Variants in RNASEH1 observed in about 807,000 individuals in gnomAD.
The protein encoded by RNASEH1 is ribonuclease H type II.
RNASEH1 carries 27 observed loss-of-function variants against 34.6 expected under a neutral mutation model. The ratio of observed to expected loss-of-function variants is 0.78; its 90% CI spans 0.58 to 1.08. RNASEH1 has a LOEUF of 1.08. Ranked by LOEUF, RNASEH1 falls within the 50% of genes least tolerant of loss-of-function variation. RNASEH1 has a pLI of 0.00. For synonymous variants in RNASEH1, 162 were observed against 138.4 expected (o/e 1.17, Z -1.20); for missense variants, 349 against 373.6 (o/e 0.93, Z 0.54).
chr2:3,532,401 C>G, the RNASEH1 span: 2 of 700,940 alleles, frequency 2.9e-6, no homozygotes, highest in Admixed American at 4.0e-5. Flanking sequence ...ATTTCAGTCA[C>G]TCACTGAAAC....
At chr2:3,539,107 ACTT>A (rs1421302870), downstream of RNASEH1, among the ~76,000 whole-genome samples, 6 of 151,932 alleles carry the variant, frequency 3.9e-5, 1 homozygote, top group Admixed American at 3.9e-4. Flanking sequence ...ATGAGTTGCA[ACTT>A]CTTTTCCTAG....
the RNASEH1 span, among the ~76,000 whole-genome samples, chr2:3,532,833 G>A: frequency 2.0e-5 from 3 of 152,184 alleles, no homozygotes; most frequent in African/African-American, 7.2e-5. Context: ...CTGATGTGCT[G>A]TAGAAATCAT....
At chr2:3,547,206 C>A (rs2103318929) in intron 7 of RNASEH1, among the ~76,000 whole-genome samples, 1 of 152,296 alleles carries the variant, frequency 6.6e-6, no homozygotes, top group South Asian at 2.1e-4. Context: ...GAGACAGGGT[C>A]TCACTCTGTC....
chr2:3,548,957 A>G (rs190767216), intron 5 of RNASEH1, 101 bp downstream of exon 5: 43 of 1,013,710 alleles, frequency 4.2e-5, no homozygotes, highest in Non-Finnish European at 6.2e-5. Context: ...CTCTCTTCAA[A>G]TATCTTATAT....
At chr2:3,538,590 A>G (rs906925070), downstream of RNASEH1, among the ~76,000 whole-genome samples, 1 of 151,958 alleles carries the variant, frequency 6.6e-6, no homozygotes. Flanking sequence ...TGCCCAGAGC[A>G]CCTTCTGGTC....
rs186228615 is a variant in RNASEH1 at position 3,552,582 on chromosome 2, C to T, written c.245-274G>A. Reference sequence around the variant, plus strand: ...CACCACCACCACCCCCTCCCCTCCACACCACCACCACCCCCTCCCCTCCAC... The same window carrying T: ...CACCACCACCACCCCCTCCCCTCCATACCACCACCACCCCCTCCCCTCCAC... On this transcript the variant is annotated intron_variant, in intron 2 of 7. Transcript: ENST00000315212. Among the ~76,000 whole-genome samples, 6,463 of 91,414 alleles carry T rather than the reference C, an allele frequency of 0.071. 598 individuals are homozygous for T. Among genetic ancestry groups the T allele is most frequent in the African/African-American group, 0.14 (2,667 of 18,852 alleles). 60.0% of individuals were successfully genotyped at this position (91,414 alleles called of 152,430 possible).
At chr2:3,549,572 G>A (rs1332743914) in intron 4 of RNASEH1, among the ~76,000 whole-genome samples, 4 of 152,302 alleles carry the variant, frequency 2.6e-5, no homozygotes, top group African/African-American at 9.6e-5. Context: ...TTTTGGGCCA[G>A]GGGTGGTGGC....
chr2:3,546,085 T>A (rs1207037818), intron 7 of RNASEH1, among the ~76,000 whole-genome samples: 1 of 152,266 alleles, frequency 6.6e-6, no homozygotes. Context: ...ATTTTGTTTT[T>A]TCACAAATTG....
At chr2:3,557,738 A>T in intron 1 of RNASEH1, 1 of 622,064 alleles carries the variant, frequency 1.6e-6, no homozygotes, top group Non-Finnish European at 2.7e-6. Context: ...CCTTTTTTAA[A>T]AGGGAAGATT....
At chr2:3,541,222 G>A (rs1288676056), downstream of RNASEH1, among the ~76,000 whole-genome samples, 5 of 151,654 alleles carry the variant, frequency 3.3e-5, no homozygotes, top group South Asian at 6.2e-4. Flanking sequence ...CCAGCTACTC[G>A]GGAGGCTGAG....
chr2:3,544,502 T>A lies in RNASEH1; in HGVS notation c.*1283A>T, dbSNP rs555682235. Among the ~76,000 whole-genome samples, 64 of 152,160 alleles carry A rather than the reference T, an allele frequency of 4.2e-4. No homozygotes were observed. The Middle Eastern group carries it at 0.01, about 24-fold the overall frequency. On this transcript the variant is annotated 3_prime_UTR_variant, in exon 8 of 8. Coordinates refer to ENST00000315212, the MANE Select transcript of RNASEH1 (RefSeq NM_002936.6). ...AAAAGCAGACAAGACTAAACTGCCA[T>A]CAAAAAACCAAGAAAGTCATTTCTG...
chr2:3,546,962 A>G (rs1668815163), intron 7 of RNASEH1, among the ~76,000 whole-genome samples: 1 of 152,146 alleles, frequency 6.6e-6, no homozygotes, highest in Non-Finnish European at 1.5e-5. Flanking sequence ...ATCGCTACTA[A>G]AAATACAAAA....
chr2:3,532,186 C>T, the RNASEH1 span: 7 of 690,788 alleles, frequency 1.0e-5, no homozygotes, highest in East Asian at 2.7e-5. Context: ...GCCAGACCTC[C>T]GGGTGTCAGC....
At chr2:3,546,347 T>C (rs773991707) in intron 7 of RNASEH1, among the ~76,000 whole-genome samples, 12 of 152,192 alleles carry the variant, frequency 7.9e-5, no homozygotes, top group Non-Finnish European at 1.5e-4. Context: ...CAAGGCAGGG[T>C]TGAGACAGTG....
At chr2:3,548,856 A>G (rs1008964326) in intron 5 of RNASEH1, 132 bp from the exon 6 acceptor site, 23 of 745,960 alleles carry the variant, frequency 3.1e-5, no homozygotes, top group East Asian at 1.3e-4. Flanking sequence ...ACTACTATAC[A>G]TACAATTCTC....
intron 2 of RNASEH1, among the ~76,000 whole-genome samples, chr2:3,554,832 A>C (rs1282647326): frequency 6.6e-6 from 1 of 152,078 alleles, no homozygotes; most frequent in East Asian, 1.9e-4. Flanking sequence ...CATATTTTCA[A>C]ACCTGCTTTC....
chr2:3,550,698 G>C (rs1194158979), intron 3 of RNASEH1, among the ~76,000 whole-genome samples: 1 of 152,236 alleles, frequency 6.6e-6, no homozygotes, highest in Admixed American at 6.5e-5. Flanking sequence ...CAAGTTCGGG[G>C]TGAAGGCAAT....
Position 3,548,827 on chromosome 2 carries a change from T to G in RNASEH1, c.565-103A>C, listed in dbSNP as rs1374286748. The G allele has an allele frequency of 3.6e-6, 3 of 826,238 alleles. No individual in the cohort carries two copies. The African/African-American group carries it at 5.1e-5, about 14-fold the overall frequency. The allele number at this position is 826,238 out of a possible 1,614,324, so 51.2% of individuals were successfully genotyped here. A position where few individuals can be genotyped will look rare whatever the true frequency, so the allele number is the denominator to read the frequency against. On this transcript the variant is annotated intron_variant, in intron 5 of 7. Coordinates refer to ENST00000315212, the MANE Select transcript of RNASEH1 (RefSeq NM_002936.6). ...ATTGAAACATCCCCTCTGTACTGATTATATTCTCTGTATGAAACACTACTA... is the reference window on the plus strand; with the variant it reads ...ATTGAAACATCCCCTCTGTACTGATGATATTCTCTGTATGAAACACTACTA...
chr2:3,548,314 G>A (rs186329971), intron 6 of RNASEH1, among the ~76,000 whole-genome samples: 33 of 152,168 alleles, frequency 2.2e-4, no homozygotes, highest in African/African-American at 6.7e-4. Context: ...CCCCAGCCTC[G>A]TAAGCATCCC....
Sources: gnomAD v4.1 joint callset for allele counts (sites outside exome capture counted in the v4.1 genomes callset) on GRCh38, gnomAD v4.1.1 for gene constraint, MANE v1.5 for transcripts, NCBI Gene and HGNC (gene_info 2026-07-23, HGNC 2026-07-21) for gene names.